ADD3: variants seen among roughly 807,000 people sequenced by gnomAD.
The protein encoded by ADD3 is adducin 3.
Under a neutral mutation model 80.2 loss-of-function variants are expected in ADD3, and 25 were observed. That is an observed-to-expected ratio of 0.31 (90% CI 0.23 to 0.44). ADD3 has a LOEUF of 0.44. Ranked by LOEUF, ADD3 falls within the 20% of genes least tolerant of loss-of-function variation. The pLI is 1.00. For missense variants in ADD3, 829 were observed against 847.5 expected (o/e 0.98, Z 0.27); for synonymous variants, 284 against 289.6 (o/e 0.98, Z 0.20).
chr10:110,094,170 C>G (rs1195695346), intron 1 of ADD3, among the ~76,000 whole-genome samples: 2 of 152,098 alleles, frequency 1.3e-5, no homozygotes, highest in Non-Finnish European at 2.9e-5. Flanking sequence ...TAGCCTGTTC[C>G]TCTCAGTGGA....
intron 1 of ADD3, among the ~76,000 whole-genome samples, chr10:110,047,186 G>T (rs1667187196): frequency 6.6e-6 from 1 of 152,168 alleles, no homozygotes; most frequent in African/African-American, 2.4e-5. Context: ...TAGGGCAGTT[G>T]TAAAAGTCAT....
chr10:110,055,480 C>T (rs1423499317), intron 1 of ADD3, among the ~76,000 whole-genome samples: 2 of 152,074 alleles, frequency 1.3e-5, no homozygotes, highest in Admixed American at 1.3e-4. Context: ...AGTTATTTGG[C>T]AATGGTATTA....
At chr10:110,128,002 T>C (rs1228903993) in intron 12 of ADD3, among the ~76,000 whole-genome samples, 5 of 152,122 alleles carry the variant, frequency 3.3e-5, no homozygotes, top group African/African-American at 1.2e-4. Flanking sequence ...TTCCCTATTT[T>C]ATTGTTGAAG....
Position 110,125,845 on chromosome 10 carries a change from C to CTAG in ADD3, c.1421_1422insTAG (p.Ser474_Ser475insArg). The CTAG allele has an allele frequency of 6.2e-7, 1 of 1,604,322 alleles. No individual in the cohort carries two copies. Among genetic ancestry groups the CTAG allele is most frequent in the Non-Finnish European group, 8.5e-7 (1 of 1,173,896 alleles). The stretch of plus-strand genomic sequence containing the variant: ...CTTTAGTGGATGAAAGCAGAAGACT[C>CTAG]ATCTAAAGTTAGTGGTGGAACACCT... On this transcript the variant is annotated inframe_insertion, in exon 11 of 15. Transcript: ENST00000356080.
chr10:110,099,715 A>G (rs922127195), intron 1 of ADD3, among the ~76,000 whole-genome samples: 7 of 151,872 alleles, frequency 4.6e-5, no homozygotes, highest in Non-Finnish European at 8.8e-5. Context: ...TAGTTGTTGC[A>G]TAAATATTTG....
intron 1 of ADD3, among the ~76,000 whole-genome samples, chr10:110,017,479 C>T (rs1157715363): frequency 6.6e-6 from 1 of 152,168 alleles, no homozygotes; most frequent in Admixed American, 6.5e-5. Context: ...TGAATTGTTT[C>T]ACCCTGGGGC....
chr10:110,093,162 G>A (rs768439514), intron 1 of ADD3, among the ~76,000 whole-genome samples: 2 of 152,182 alleles, frequency 1.3e-5, no homozygotes, highest in Non-Finnish European at 2.9e-5. Context: ...CCTGGCCAGA[G>A]TTGTAAAGGA....
intron 3 of ADD3, among the ~76,000 whole-genome samples, chr10:110,113,305 T>C (rs1850286452): frequency 6.6e-6 from 1 of 152,208 alleles, no homozygotes; most frequent in Non-Finnish European, 1.5e-5. Context: ...TCTTGCTCTG[T>C]CGCCGAGGCT....
intron 3 of ADD3, among the ~76,000 whole-genome samples, chr10:110,113,778 TG>T (rs1850346090): frequency 6.6e-6 from 1 of 152,146 alleles, no homozygotes; most frequent in Admixed American, 6.5e-5. Context: ...ATAGAATAGT[TG>T]GGGATCTGGT....
intron 1 of ADD3, among the ~76,000 whole-genome samples, chr10:110,000,015 G>A (rs953232077): frequency 6.6e-6 from 1 of 151,706 alleles, no homozygotes; most frequent in African/African-American, 2.4e-5. Context: ...TGCCTCCTGG[G>A]TTCAAGAGAT....
intron 1 of ADD3, among the ~76,000 whole-genome samples, chr10:110,091,392 A>G (rs1489456179): frequency 6.6e-6 from 1 of 152,166 alleles, no homozygotes; most frequent in Non-Finnish European, 1.5e-5. Context: ...ATACTACAAG[A>G]CTACAGTAAC....
chr10:110,097,110 G>C (rs186019963), intron 1 of ADD3, among the ~76,000 whole-genome samples: 1 of 152,184 alleles, frequency 6.6e-6, no homozygotes, highest in Admixed American at 6.5e-5. Flanking sequence ...TACTGTTTAA[G>C]TATATTAACA....
chr10:110,003,431 T>C (rs1305606692), upstream of ADD3, among the ~76,000 whole-genome samples: 1 of 152,158 alleles, frequency 6.6e-6, no homozygotes, highest in Non-Finnish European at 1.5e-5. Flanking sequence ...AACTAGATAA[T>C]TGATTTTAAA....
Position 110,133,591 on chromosome 10 carries a change from C to T in ADD3, c.2094C>T (p.Asn698=). ...GCACTCCTTCTTTTCTGAAAAAGAA[C>T]AAAAAAAAGGAGAAAGTTGAGGCCT... ...KFRTPSFLKK[N]KKKEKVEA is the part of the protein sequence containing the mutation. Residue 698 remains asparagine, a synonymous_variant, in exon 15 of 15, where the codon AAC becomes AAT. Coordinates refer to ENST00000356080, the MANE Select transcript of ADD3 (RefSeq NM_016824.5). The T allele has an allele frequency of 6.3e-7, 1 of 1,579,242 alleles. No homozygotes were observed.
At chr10:110,121,065 A>G (rs887673185) in intron 8 of ADD3, among the ~76,000 whole-genome samples, 1 of 152,192 alleles carries the variant, frequency 6.6e-6, no homozygotes, top group South Asian at 2.1e-4. Context: ...AAACCTAGGC[A>G]TTACCATTCA....
chr10:110,075,970 C>G (rs1382744737), intron 1 of ADD3, among the ~76,000 whole-genome samples: 5 of 152,180 alleles, frequency 3.3e-5, no homozygotes, highest in African/African-American at 1.2e-4. Context: ...GTTCAATACT[C>G]CAGACTGAAT....
At chr10:110,004,555 T>C (rs10787221), upstream of ADD3, among the ~76,000 whole-genome samples, 142,444 of 151,494 alleles carry the variant, frequency 0.94, 67,120 homozygotes, top group East Asian at 1. Flanking sequence ...GTGACCTGCC[T>C]GCCTCAGCCT....
chr10:110,036,704 A>G (rs994066152), intron 1 of ADD3, among the ~76,000 whole-genome samples: 1 of 151,972 alleles, frequency 6.6e-6, no homozygotes, highest in Non-Finnish European at 1.5e-5. Context: ...ACATTTCAAT[A>G]TCTAAGTAGA....
chr10:110,010,289 T>TTA (rs1231638354), intron 1 of ADD3, among the ~76,000 whole-genome samples: 1 of 152,156 alleles, frequency 6.6e-6, no homozygotes, highest in African/African-American at 2.4e-5. Flanking sequence ...AGCCTACAGG[T>TTA]GGTTAGCTGG....
Sources: gnomAD v4.1 joint callset for allele counts (sites outside exome capture counted in the v4.1 genomes callset) on GRCh38, gnomAD v4.1.1 for gene constraint, MANE v1.5 for transcripts, NCBI Gene and HGNC (gene_info 2026-07-23, HGNC 2026-07-21) for gene names.